CTDP1: variants seen among roughly 807,000 people sequenced by gnomAD.
CTDP1 encodes the protein RNA polymerase II subunit A C-terminal domain phosphatase.
In CTDP1, 47 loss-of-function variants were observed where a neutral mutation model predicts 91.8. The observed-to-expected ratio is 0.51, with a 90% CI of 0.41 to 0.65. The LOEUF (loss-of-function observed/expected upper bound fraction) is 0.65, where lower values mean the gene tolerates loss of function less well. CTDP1 is among the 30% of genes least tolerant of loss of function. The pLI, the probability that CTDP1 is intolerant of heterozygous loss-of-function variation, is 0.00. For synonymous variants in CTDP1, 656 were observed against 598.5 expected (o/e 1.10, Z -1.40); for missense variants, 1,272 against 1,373.7 (o/e 0.93, Z 1.17).
chr18:79,689,165 G>GTCTT (rs755510619), intron 1 of CTDP1, among the ~76,000 whole-genome samples: 2 of 152,112 alleles, frequency 1.3e-5, no homozygotes, highest in South Asian at 2.1e-4. Flanking sequence ...CAGCTCCTTC[G>GTCTT]TCTTTCTTTC....
chr18:79,711,761 C>T (rs1429204572), intron 6 of CTDP1, among the ~76,000 whole-genome samples: 1 of 152,234 alleles, frequency 6.6e-6, no homozygotes, highest in Non-Finnish European at 1.5e-5. Context: ...TTCCTGTCAG[C>T]TCCTCTGAGC....
chr18:79,725,328 G>T (rs1599276664), intron 10 of CTDP1, among the ~76,000 whole-genome samples: 1 of 152,212 alleles, frequency 6.6e-6, no homozygotes, highest in Non-Finnish European at 1.5e-5. Flanking sequence ...TGGTGAGACT[G>T]CGGACTTGCC....
chr18:79,714,550 G>A lies in CTDP1; in HGVS notation c.1090G>A (p.Gly364Arg), dbSNP rs200499662. 6.2e-7 allele frequency: 1 copy of A among 1,613,046 alleles called. No individual in the cohort carries two copies. The highest frequency in any genetic ancestry group is 1.3e-5 in the African/African-American group (1 of 74,952). The change falls in exon 8 of 13, where the codon GGG becomes AGG. Residue 364 changes from glycine (G) to arginine (R), a missense_variant. By Grantham distance (125) the Gly-to-Arg change is moderately radical. Around this residue, in one of 3 missense-constraint regions of CTDP1, gnomAD observed 881 missense variants for 911.6 expected, o/e 0.97. Coordinates refer to ENST00000613122, the MANE Select transcript of CTDP1 (RefSeq NM_004715.5). ...EPSPPVRDPE[G>R]VTQAPGVEPS... Reference sequence around the variant, plus strand: ...ATCTCCGCCCGTGAGAGACCCTGAGGGGGTAACGCAGGCCCCTGGAGTGGA... The same window carrying A: ...ATCTCCGCCCGTGAGAGACCCTGAGAGGGTAACGCAGGCCCCTGGAGTGGA...
At chr18:79,681,271 C>T (rs968469554) in intron 1 of CTDP1, among the ~76,000 whole-genome samples, 7 of 152,216 alleles carry the variant, frequency 4.6e-5, no homozygotes, top group Non-Finnish European at 1.0e-4. Flanking sequence ...GTCCTTGACC[C>T]TCGGCACGGG....
At chr18:79,678,567 CTG>C (rs2085284022), upstream of CTDP1, 2 of 152,300 alleles carry the variant, frequency 1.3e-5, no homozygotes, top group East Asian at 3.9e-4. Flanking sequence ...CTTAGAGAAA[CTG>C]TGTCTCCGCT....
At chr18:79,723,635 G>A (rs1370914779) in intron 10 of CTDP1, among the ~76,000 whole-genome samples, 1 of 152,176 alleles carries the variant, frequency 6.6e-6, no homozygotes, top group African/African-American at 2.4e-5. Context: ...AATGCAGAGA[G>A]GCCCTTTGGA....
chr18:79,714,135 C>T (rs926174044), intron 7 of CTDP1, among the ~76,000 whole-genome samples: 1 of 152,230 alleles, frequency 6.6e-6, no homozygotes, highest in African/African-American at 2.4e-5. Flanking sequence ...GTTGTCCTTA[C>T]AGGTGGAGGA....
rs113989178 is a variant in CTDP1 at position 79,690,862 on chromosome 18, G to A, written c.315-4363G>A. On this transcript the variant is annotated intron_variant, in intron 1 of 12. Transcript: ENST00000613122. Reference sequence around the variant, plus strand: ...ATAAGACAGTCAGAACCTTTCAACCGCAGTACAGAAAATTACGTGACTCCG... The same window carrying A: ...ATAAGACAGTCAGAACCTTTCAACCACAGTACAGAAAATTACGTGACTCCG... Among the ~76,000 whole-genome samples the A allele has an allele frequency of 7.1e-3, 1,080 of 152,300 alleles. 18 individuals are homozygous for A. Among genetic ancestry groups the A allele is most frequent in the African/African-American group, 0.024 (1,014 of 41,560 alleles).
chr18:79,705,098 G>A (rs1012548901), intron 5 of CTDP1, among the ~76,000 whole-genome samples, 181 bp downstream of exon 5: 1 of 152,212 alleles, frequency 6.6e-6, no homozygotes, highest in African/African-American at 2.4e-5. Context: ...AGGGCTGTTG[G>A]GTGGGGCCGC....
At chr18:79,681,789 T>A (rs1273249021) in intron 1 of CTDP1, among the ~76,000 whole-genome samples, 1 of 152,136 alleles carries the variant, frequency 6.6e-6, no homozygotes, top group African/African-American at 2.4e-5. Context: ...GAGGCTCATC[T>A]CTCTGCCTCC....
At chr18:79,702,398 G>C (rs1228138287) in intron 4 of CTDP1, among the ~76,000 whole-genome samples, 2 of 152,094 alleles carry the variant, frequency 1.3e-5, no homozygotes, top group African/African-American at 2.4e-5. Flanking sequence ...TTTTGAGACG[G>C]AGTCTTGCTG....
In CTDP1 at chr18:79,754,159, TGGACTA is replaced by T; in HGVS notation, c.*373_*378del. ...ACGGCTTTGGGGGTCCCACGAGACA[TGGACTA>T]GGAGTTTAAGCAGGACAGTGTGCGT... On this transcript the variant is annotated 3_prime_UTR_variant, in exon 13 of 13. Coordinates refer to ENST00000613122, the MANE Select transcript of CTDP1 (RefSeq NM_004715.5). 1 of 351,292 alleles carries T rather than the reference TGGACTA, an allele frequency of 2.8e-6. No individual in the cohort carries two copies. The highest frequency in any genetic ancestry group is 2.3e-5 in the South Asian group (1 of 42,816). The allele number at this position is 351,292 out of a possible 1,614,324, so 21.8% of individuals were successfully genotyped here. A position where few individuals can be genotyped will look rare whatever the true frequency, so the allele number is the denominator to read the frequency against.
chr18:79,695,342 T>C (rs967283054), intron 2 of CTDP1, 34 bp downstream of exon 2: 5 of 1,601,056 alleles, frequency 3.1e-6, no homozygotes, highest in South Asian at 2.2e-5. Context: ...CGCTGCCTGC[T>C]GGGGCTCGAG....
At chr18:79,725,203 T>C (rs753770402) in intron 10 of CTDP1, among the ~76,000 whole-genome samples, 4 of 152,244 alleles carry the variant, frequency 2.6e-5, no homozygotes, top group Non-Finnish European at 5.9e-5. Flanking sequence ...GAAGTGTCTT[T>C]ATGTTGACGT....
At chr18:79,679,675 T>G, upstream of CTDP1, 2 of 520,982 alleles carry the variant, frequency 3.8e-6, no homozygotes, top group Admixed American at 2.3e-5. Context: ...AGGAACGCAG[T>G]TCTTCACGGC....
Position 79,715,306 on chromosome 18 carries a change from A to T in CTDP1, c.1846A>T (p.Ile616Phe). 2 of 1,609,974 alleles carry T rather than the reference A, an allele frequency of 1.2e-6. No homozygotes were observed. The highest frequency in any genetic ancestry group is 1.7e-6 in the Non-Finnish European group (2 of 1,178,104). Reference protein sequence around the residue: ...AKYDRYLNKEIEEAPDIRKIV... With the variant: ...AKYDRYLNKEFEEAPDIRKIV... ...GTATGACCGCTACCTCAACAAGGAG[A>T]TCGAGGAGGCGCCGGACATCCGCAA... The change falls in exon 8 of 13, where the codon ATC becomes TTC. Residue 616 changes from isoleucine to phenylalanine, a missense_variant. By Grantham distance (21) the Ile-to-Phe change is conservative. This residue lies in a region of CTDP1 where 881 missense variants were observed against 911.6 expected (regional missense o/e 0.97). Transcript: ENST00000613122.
chr18:79,717,304 G>A (rs2086233164), intron 8 of CTDP1, among the ~76,000 whole-genome samples: 1 of 149,094 alleles, frequency 6.7e-6, no homozygotes, highest in Non-Finnish European at 1.5e-5. Flanking sequence ...GCCGAGTGAG[G>A]GCCTTGGTGG....
At chr18:79,699,785 ACCTGGC>A (rs2085821542) in intron 4 of CTDP1, among the ~76,000 whole-genome samples, 1 of 152,072 alleles carries the variant, frequency 6.6e-6, no homozygotes, top group Non-Finnish European at 1.5e-5. Context: ...GCTCGGAGCA[ACCTGGC>A]GAGCACGTCT....
At chr18:79,742,618 T>A (rs1437632186) in intron 12 of CTDP1, among the ~76,000 whole-genome samples, 1 of 152,224 alleles carries the variant, frequency 6.6e-6, no homozygotes, top group Non-Finnish European at 1.5e-5. Flanking sequence ...TGCTTCTCCT[T>A]TATTCTCTTG....
Sources: gnomAD v4.1 joint callset for allele counts (sites outside exome capture counted in the v4.1 genomes callset) on GRCh38, gnomAD v4.1.1 for gene constraint, gnomAD v4.1.1 regional missense constraint, MANE v1.5 for transcripts, NCBI Gene and HGNC (gene_info 2026-07-23, HGNC 2026-07-21) for gene names.